Variants in TBC1D19 observed in about 807,000 individuals in gnomAD.
The protein encoded by TBC1D19 is TBC1 domain family, member 19.
Under a neutral mutation model 89.0 loss-of-function variants are expected in TBC1D19, and 60 were observed. The ratio of observed to expected loss-of-function variants is 0.67; its 90% confidence interval spans 0.55 to 0.84. The LOEUF (loss-of-function observed/expected upper bound fraction) is 0.84. Ranked by LOEUF, TBC1D19 falls within the 40% of genes least tolerant of loss-of-function variation. TBC1D19 has a pLI of 0.00. For missense variants in TBC1D19, 500 were observed against 610.8 expected, an observed-to-expected ratio of 0.82 and a Z score of 1.91; for synonymous variants, 189 against 199.7, an observed-to-expected ratio of 0.95 and a Z score of 0.45.
At chr4:26,643,898 C>A (rs924716036) in intron 7 of TBC1D19, among the ~76,000 whole-genome samples, 2 of 151,164 alleles carry the variant, frequency 1.3e-5, no homozygotes, top group African/African-American at 2.4e-5. Context: ...ACTGAATAGG[C>A]CAATAACAGG....
the TBC1D19 span, among the ~76,000 whole-genome samples, chr4:26,852,625 C>T: frequency 7.9e-5 from 12 of 151,942 alleles, no homozygotes; most frequent in African/African-American, 2.9e-4. Context: ...CACCCCCGCC[C>T]CTTTTGTTTT....
the TBC1D19 span, among the ~76,000 whole-genome samples, chr4:26,767,528 T>C: frequency 6.6e-6 from 1 of 152,130 alleles, no homozygotes; most frequent in Non-Finnish European, 1.5e-5. Context: ...GCCACCATGA[T>C]GGAACGTAGC....
chr4:26,650,725 C>A (rs1053851740), intron 7 of TBC1D19, among the ~76,000 whole-genome samples: 2 of 152,128 alleles, frequency 1.3e-5, no homozygotes, highest in African/African-American at 2.4e-5. Flanking sequence ...TAATTAGATC[C>A]CATTTGTCAA....
intron 15 of TBC1D19, 112 bp from the exon 16 acceptor site, chr4:26,735,343 G>A: frequency 1.3e-6 from 1 of 798,430 alleles, no homozygotes. Context: ...TTTATGAACA[G>A]AGTTGAAGCA....
At chr4:26,600,828 G>A (rs925535091) in intron 1 of TBC1D19, among the ~76,000 whole-genome samples, 9 of 152,284 alleles carry the variant, frequency 5.9e-5, no homozygotes, top group Middle Eastern at 3.4e-3. Flanking sequence ...TGAAACTAGA[G>A]CTTATTCCTG....
intron 7 of TBC1D19, among the ~76,000 whole-genome samples, chr4:26,659,354 G>A (rs2109074157): frequency 6.6e-6 from 1 of 152,008 alleles, no homozygotes; most frequent in South Asian, 2.1e-4. Flanking sequence ...TCTTAACTTG[G>A]TAGAGTTTTG....
At position 26,738,663 on chromosome 4, in the gene TBC1D19, A is replaced by G. The variant is rs569740333; in HGVS notation, c.1118-1201A>G. Reference sequence around the variant, plus strand: ...TTTTTCTATATATATACAAGTATGTATTTTTATATGAATTTAGATATTTAC... The same window carrying G: ...TTTTTCTATATATATACAAGTATGTGTTTTTATATGAATTTAGATATTTAC... On this transcript the variant is annotated intron_variant, in intron 16 of 20. Coordinates refer to ENST00000264866, the MANE Select transcript of TBC1D19 (RefSeq NM_018317.4). 3.9e-5 allele frequency among the ~76,000 whole-genome samples: 6 copies of G among 151,920 alleles called. No individual in the cohort carries two copies. In the South Asian group the frequency reaches 1.2e-3, roughly 32 times the overall value.
At chr4:26,692,022 A>G (rs1714334424) in intron 13 of TBC1D19, among the ~76,000 whole-genome samples, 1 of 152,180 alleles carries the variant, frequency 6.6e-6, no homozygotes, top group Admixed American at 6.5e-5. Flanking sequence ...AAAGAAGAAA[A>G]CATTTATTTG....
chr4:26,696,361 GT>G (rs967553309), intron 13 of TBC1D19, among the ~76,000 whole-genome samples: 4 of 152,060 alleles, frequency 2.6e-5, no homozygotes, highest in Non-Finnish European at 4.4e-5. Flanking sequence ...CATAAAGCAA[GT>G]CCTTAGAGAT....
chr4:26,807,635 A>T, the TBC1D19 span, among the ~76,000 whole-genome samples: 1 of 152,086 alleles, frequency 6.6e-6, no homozygotes, highest in African/African-American at 2.4e-5. Flanking sequence ...CATCTCTCCC[A>T]TCTGCATGTG....
At chr4:26,850,560 A>AAAG in the TBC1D19 span, among the ~76,000 whole-genome samples, 3 of 148,586 alleles carry the variant, frequency 2.0e-5, no homozygotes, top group African/African-American at 7.5e-5. Flanking sequence ...AAAAAAAAAA[A>AAAG]AAGAAGAAGA....
At chr4:26,600,885 C>T (rs1560408603) in intron 1 of TBC1D19, among the ~76,000 whole-genome samples, 1 of 152,074 alleles carries the variant, frequency 6.6e-6, no homozygotes, top group South Asian at 2.1e-4. Context: ...AGAAACAAGT[C>T]CAGTCTACAG....
At chr4:26,581,876 G>C (rs1739072226), upstream of TBC1D19, among the ~76,000 whole-genome samples, 1 of 151,994 alleles carries the variant, frequency 6.6e-6, no homozygotes, top group South Asian at 2.1e-4. Context: ...AATCGAATTG[G>C]AAATAGAGAA....
At chr4:26,692,024 A>G (rs991162282) in intron 13 of TBC1D19, among the ~76,000 whole-genome samples, 30 of 152,178 alleles carry the variant, frequency 2.0e-4, no homozygotes, top group Admixed American at 1.5e-3. Context: ...AGAAGAAAAC[A>G]TTTATTTGAG....
chr4:26,831,643 C>A, the TBC1D19 span, among the ~76,000 whole-genome samples: 40 of 143,646 alleles, frequency 2.8e-4, no homozygotes, highest in African/African-American at 1.0e-3. Flanking sequence ...AGTGCCATAG[C>A]GTGATTTTGG....
chr4:26,823,115 A>G, the TBC1D19 span, among the ~76,000 whole-genome samples: 3 of 152,346 alleles, frequency 2.0e-5, no homozygotes, highest in African/African-American at 4.8e-5. Context: ...CCTCACAATC[A>G]TGGCAGAAGG....
At chr4:26,716,463 G>A (rs1448464750) in intron 13 of TBC1D19, among the ~76,000 whole-genome samples, 3 of 152,040 alleles carry the variant, frequency 2.0e-5, no homozygotes, top group Non-Finnish European at 4.4e-5. Context: ...CCAGTTTTTG[G>A]AATTTAAATA....
At chr4:26,804,975 G>C in the TBC1D19 span, among the ~76,000 whole-genome samples, 1 of 152,242 alleles carries the variant, frequency 6.6e-6, no homozygotes, top group East Asian at 1.9e-4. Context: ...AGAAATCTCC[G>C]GATGGAAAGG....
chr4:26,591,701 T>C (rs56952772), intron 1 of TBC1D19, among the ~76,000 whole-genome samples: 2,957 of 152,236 alleles, frequency 0.019, 100 homozygotes, highest in African/African-American at 0.067. Flanking sequence ...CAGAGAATAC[T>C]ATAAACACAT....
Sources: gnomAD v4.1 joint callset for allele counts (sites outside exome capture counted in the v4.1 genomes callset) on GRCh38, gnomAD v4.1.1 for gene constraint, MANE v1.5 for transcripts, NCBI Gene and HGNC (gene_info 2026-07-23, HGNC 2026-07-21) for gene names.